Variants in LZIC observed in about 807,000 individuals in gnomAD.
LZIC encodes protein LZIC.
In LZIC, 28 loss-of-function variants were observed where a neutral mutation model predicts 25.4. The observed-to-expected ratio is 1.10, with a 90% CI of 0.82 to 1.51. The LOEUF (loss-of-function observed/expected upper bound fraction) is 1.51, where lower values mean the gene tolerates loss of function less well. Among genes scored for constraint, LZIC ranks in the 40% most tolerant of loss-of-function variants. The pLI, the probability that LZIC is intolerant of heterozygous loss-of-function variation, is 0.00. For missense variants in LZIC, 170 were observed against 211.1 expected (o/e 0.81, Z 1.21); for synonymous variants, 65 against 70.7 (o/e 0.92, Z 0.40).
At position 9,929,549 on chromosome 1, in the gene LZIC, C is replaced by T. The variant is rs1570626720; in HGVS notation, c.*850G>A. The T allele has an allele frequency of 2.0e-6, 2 of 985,406 alleles. No individual in the cohort carries two copies. Among genetic ancestry groups the T allele is most frequent in the East Asian group, 2.3e-4 (2 of 8,818 alleles). 61.0% of individuals were successfully genotyped at this position (985,406 alleles called of 1,614,324 possible). A position where few individuals can be genotyped will look rare whatever the true frequency, so the allele number is the denominator to read the frequency against. ...TCTGAGTGTGACAAGAGGTCACGCA[C>T]AGGGAGGGCCTCTAGCTGCCATTTC... On this transcript the variant is annotated 3_prime_UTR_variant, in exon 8 of 8. Transcript: ENST00000377223.
chr1:9,930,229 A>G lies in LZIC; in HGVS notation c.*170T>C. The G allele has an allele frequency of 6.8e-7, 1 of 1,473,408 alleles. No homozygotes were observed. Among genetic ancestry groups the G allele is most frequent in the South Asian group, 1.5e-5 (1 of 67,968 alleles). 91.3% of individuals were successfully genotyped at this position (1,473,408 alleles called of 1,614,324 possible). Reference sequence around the variant, plus strand: ...AAGCAGGTAACCGCACACAACGCACAATGATGAAGAGCATAAACACAAGCC... The same window carrying G: ...AAGCAGGTAACCGCACACAACGCACGATGATGAAGAGCATAAACACAAGCC... On this transcript the variant is annotated 3_prime_UTR_variant, in exon 8 of 8. Coordinates refer to ENST00000377223, the MANE Select transcript of LZIC (RefSeq NM_032368.5).
intron 2 of LZIC, among the ~76,000 whole-genome samples, chr1:9,940,512 G>A (rs956438920): frequency 4.6e-5 from 7 of 151,140 alleles, no homozygotes; most frequent in African/African-American, 1.5e-4. Flanking sequence ...TAGAGACAGG[G>A]TTTCACCATG....
chr1:9,941,503 T>C (rs887627546), intron 2 of LZIC, among the ~76,000 whole-genome samples: 139 of 148,776 alleles, frequency 9.3e-4, no homozygotes, highest in Non-Finnish European at 1.5e-3. Context: ...CCTTTACCTT[T>C]TTTTTTTTTT....
chr1:9,941,986 G>C (rs1266799368), intron 2 of LZIC, among the ~76,000 whole-genome samples: 1 of 151,908 alleles, frequency 6.6e-6, no homozygotes, highest in African/African-American at 2.4e-5. Flanking sequence ...GCGCGATCTC[G>C]GCTCACTGCA....
At chr1:9,936,008 A>G (rs1006797694) in intron 3 of LZIC, among the ~76,000 whole-genome samples, 13 of 152,030 alleles carry the variant, frequency 8.6e-5, no homozygotes, top group Admixed American at 7.2e-4. Context: ...GCATGCCTGT[A>G]ATCCCAGCTA....
downstream of LZIC, among the ~76,000 whole-genome samples, chr1:9,925,354 T>C (rs1274112454): frequency 6.6e-6 from 1 of 152,010 alleles, no homozygotes; most frequent in East Asian, 1.9e-4. Context: ...CTTACCAGCA[T>C]TATCTTCACT....
At position 9,926,319 on chromosome 1, in the gene LZIC, G is replaced by C. The variant is rs1570620397; in HGVS notation, c.*4080C>G. ...GTGGTTGAAAGGCTCTAGGCAAAATGGTCTGGGTTTATTTTTTTCTATAGT... is the reference window on the plus strand; with the variant it reads ...GTGGTTGAAAGGCTCTAGGCAAAATCGTCTGGGTTTATTTTTTTCTATAGT... On this transcript the variant is annotated 3_prime_UTR_variant, in exon 8 of 8. Coordinates refer to ENST00000377223, the MANE Select transcript of LZIC (RefSeq NM_032368.5). Among the ~76,000 whole-genome samples the C allele has an allele frequency of 6.6e-6, 1 of 152,108 alleles. No individual in the cohort carries two copies. Among genetic ancestry groups the C allele is most frequent in the African/African-American group, 2.4e-5 (1 of 41,424 alleles).
chr1:9,931,890 C>G lies in LZIC; in HGVS notation c.514+1G>C. 1 of 1,609,124 alleles carries G rather than the reference C, an allele frequency of 6.2e-7. No homozygotes were observed. Among genetic ancestry groups the G allele is most frequent in the South Asian group, 1.1e-5 (1 of 90,602 alleles). On this transcript the variant is annotated splice_donor_variant, in intron 7 of 7. Transcript: ENST00000377223. LOFTEE classifies it high-confidence loss of function. ...GCTTTCAGAAATATGAGGGCACTCACCAAGGTCTGTAGAGACTTTCTCAAA... is the reference window on the plus strand; with the variant it reads ...GCTTTCAGAAATATGAGGGCACTCAGCAAGGTCTGTAGAGACTTTCTCAAA...
intron 2 of LZIC, among the ~76,000 whole-genome samples, chr1:9,942,176 C>T (rs1320177181): frequency 2.0e-5 from 3 of 152,120 alleles, no homozygotes; most frequent in African/African-American, 7.2e-5. Flanking sequence ...CTCAGTCTCC[C>T]AAAGTGATGG....
chr1:9,931,479 G>T (rs1448867209), intron 7 of LZIC, among the ~76,000 whole-genome samples: 2 of 151,992 alleles, frequency 1.3e-5, no homozygotes, highest in African/African-American at 4.8e-5. Context: ...AGCCAGGATG[G>T]TCTCGATCTC....
At chr1:9,937,392 CAA>C (rs1314354000) in intron 2 of LZIC, among the ~76,000 whole-genome samples, 11 of 71,976 alleles carry the variant, frequency 1.5e-4, no homozygotes, top group Admixed American at 1.7e-4. Context: ...GACTCAGGCT[CAA>C]AAAAAAAAAA....
rs753028254 is a variant in LZIC, at chr1:9,930,401, A to AT, written c.570dup (p.Ter191MetfsTer8). ...ATGTTACAAGCTTCTGCACCATGTCATTTTTTTGTTTTTTCAACCTCAAAA... is the reference window on the plus strand; with the variant it reads ...ATGTTACAAGCTTCTGCACCATGTCATTTTTTTTGTTTTTTCAACCTCAAAA... On this transcript the variant is annotated frameshift_variant, in exon 8 of 8. Coordinates refer to ENST00000377223, the MANE Select transcript of LZIC (RefSeq NM_032368.5). LOFTEE classifies it high-confidence loss of function. 4 of 1,613,696 alleles carry AT rather than the reference A, an allele frequency of 2.5e-6. No homozygotes were observed. Among genetic ancestry groups the AT allele is most frequent in the Non-Finnish European group, 3.4e-6 (4 of 1,179,734 alleles).
intron 3 of LZIC, among the ~76,000 whole-genome samples, chr1:9,936,035 A>G (rs1352189760): frequency 6.6e-6 from 1 of 151,790 alleles, no homozygotes; most frequent in Non-Finnish European, 1.5e-5. Context: ...AGGCTGAGGC[A>G]GGAGAATCGC....
At chr1:9,939,360 CTTTT>C (rs71583828) in intron 2 of LZIC, among the ~76,000 whole-genome samples, 3 of 80,560 alleles carry the variant, frequency 3.7e-5, no homozygotes, top group African/African-American at 7.8e-5. Flanking sequence ...CCCCACTTGG[CTTTT>C]TTTTTTTTCT....
chr1:9,930,759 G>T (rs144721658), intron 7 of LZIC, among the ~76,000 whole-genome samples: 1 of 151,870 alleles, frequency 6.6e-6, no homozygotes, highest in Non-Finnish European at 1.5e-5. Context: ...CGCTCTTGTC[G>T]CCCAGGCTGG....
intron 7 of LZIC, 142 bp from the exon 8 acceptor site, chr1:9,930,599 C>T (rs1416073604): frequency 1.5e-5 from 17 of 1,138,590 alleles, no homozygotes; most frequent in Non-Finnish European, 1.8e-5. Flanking sequence ...AACCCCTACA[C>T]GTTCCCATTG....
At position 9,943,379 on chromosome 1, in the gene LZIC, G is replaced by A. The variant is rs921250429; in HGVS notation, c.-298C>T. The stretch of plus-strand genomic sequence containing the variant: ...GGCACTGGCCTGGCGGACCGCGCCG[G>A]GGGAGCACTTCCGCTGGACGCACGC... On this transcript the variant is annotated 5_prime_UTR_variant, in exon 1 of 8. Coordinates refer to ENST00000377223, the MANE Select transcript of LZIC (RefSeq NM_032368.5). The A allele has an allele frequency of 2.0e-5, 3 of 152,476 alleles. No homozygotes were observed. Among genetic ancestry groups the A allele is most frequent in the African/African-American group, 7.2e-5 (3 of 41,464 alleles). 9.4% of individuals were successfully genotyped at this position (152,476 alleles called of 1,614,324 possible).
At chr1:9,941,437 C>T (rs984850659) in intron 2 of LZIC, among the ~76,000 whole-genome samples, 6 of 151,810 alleles carry the variant, frequency 4.0e-5, no homozygotes, top group African/African-American at 7.3e-5. Flanking sequence ...TCAGGTGATC[C>T]GCCTGCCTCA....
chr1:9,941,930 TTTTTGAGACGGAGTC>T (rs1640763866), intron 2 of LZIC, among the ~76,000 whole-genome samples: 1 of 152,084 alleles, frequency 6.6e-6, no homozygotes, highest in Non-Finnish European at 1.5e-5. Context: ...TTTAAAATTT[TTTTTGAGACGGAGTC>T]TCGCTCTGTC....
Sources: gnomAD v4.1 joint callset for allele counts (sites outside exome capture counted in the v4.1 genomes callset) on GRCh38, gnomAD v4.1.1 for gene constraint, MANE v1.5 for transcripts, NCBI Gene and HGNC (gene_info 2026-07-23, HGNC 2026-07-21) for gene names.